The following TBC1D7 variants were observed in gnomAD, a reference collection of about 807,000 sequenced individuals.
TBC1D7 encodes TBC1 domain family member 7.
In TBC1D7, 33 loss-of-function variants were observed where a neutral mutation model predicts 35.3. That is an observed-to-expected ratio of 0.93 (90% CI 0.71 to 1.25). The LOEUF (loss-of-function observed/expected upper bound fraction) is 1.25. Ranked by LOEUF, TBC1D7 falls within the 50% of genes most tolerant of loss-of-function variation. TBC1D7 has a pLI of 0.00. For synonymous variants in TBC1D7, 135 were observed against 129.5 expected, an observed-to-expected ratio of 1.04 and a Z score of -0.29; for missense variants, 362 against 365.3, an observed-to-expected ratio of 0.99 and a Z score of 0.07.
rs1437405163 is a variant in TBC1D7 at position 13,316,768 on chromosome 6, T to A, written c.382-60A>T. 3 of 1,573,596 alleles carry A rather than the reference T, an allele frequency of 1.9e-6. No homozygotes were observed. The East Asian group carries it at 6.7e-5, about 35-fold the overall frequency. On this transcript the variant is annotated intron_variant, in intron 4 of 7. Transcript: ENST00000379300. ...AGTGAAAGAGAGGAATACATATTTC[T>A]TTAATAAAAAATGAAACCTTGCTCC...
chr6:13,328,192 C>T (rs773734346), intron 1 of TBC1D7, 104 bp downstream of exon 1: 2 of 152,218 alleles, frequency 1.3e-5, no homozygotes, highest in Non-Finnish European at 2.9e-5. Flanking sequence ...GGAGGAAATG[C>T]TGCAAATAAT....
At chr6:13,321,267 TCTTAA>T (rs550198286) in intron 3 of TBC1D7, among the ~76,000 whole-genome samples, 172 bp from the exon 4 acceptor site, 82 of 152,106 alleles carry the variant, frequency 5.4e-4, no homozygotes, top group Non-Finnish European at 9.6e-4. Flanking sequence ...TATAAAACAA[TCTTAA>T]ATGTGAAATA....
At chr6:13,324,950 G>A in intron 3 of TBC1D7, 144 bp downstream of exon 3, 1 of 584,072 alleles carries the variant, frequency 1.7e-6, no homozygotes, top group East Asian at 2.9e-5. Flanking sequence ...AGAAAATAAT[G>A]AGTGGTAATT....
At chr6:13,308,190 T>C (rs902471806) in intron 5 of TBC1D7, among the ~76,000 whole-genome samples, 3 of 151,784 alleles carry the variant, frequency 2.0e-5, no homozygotes, top group Admixed American at 6.6e-5. Context: ...ACCAAAGAAA[T>C]AGAGTGGGAT....
intron 3 of TBC1D7, among the ~76,000 whole-genome samples, chr6:13,323,989 T>C (rs1427034414): frequency 2.0e-5 from 3 of 152,228 alleles, no homozygotes; most frequent in Non-Finnish European, 4.4e-5. Flanking sequence ...TTACTCTGTA[T>C]AATCTATGTA....
At chr6:13,314,555 CA>C (rs1783465280) in intron 5 of TBC1D7, among the ~76,000 whole-genome samples, 1 of 152,200 alleles carries the variant, frequency 6.6e-6, no homozygotes, top group Non-Finnish European at 1.5e-5. Flanking sequence ...AGGCAACTGA[CA>C]TATTTACTTA....
At chr6:13,322,085 C>CA (rs1185772493) in intron 3 of TBC1D7, among the ~76,000 whole-genome samples, 18 of 152,064 alleles carry the variant, frequency 1.2e-4, no homozygotes, top group Non-Finnish European at 1.5e-4. Context: ...CCTGTCTCTA[C>CA]AAAAAATTAG....
rs550980671 is a variant in TBC1D7 at position 13,318,407 on chromosome 6, C to T, written c.382-1699G>A. 2.2e-4 allele frequency among the ~76,000 whole-genome samples: 34 copies of T among 152,166 alleles called. No individual in the cohort carries two copies. In the South Asian group the frequency reaches 5.0e-3, roughly 22 times the overall value. ...ACAGACAAGCTGAGTAGCGGTGAGG[C>T]GGAACCTATACCCTGTCATCTCAAT... is the stretch of plus-strand genomic sequence containing the variant. On this transcript the variant is annotated intron_variant, in intron 4 of 7. Coordinates refer to ENST00000379300, the MANE Select transcript of TBC1D7 (RefSeq NM_016495.6).
At chr6:13,308,382 C>A (rs1173494350) in intron 5 of TBC1D7, among the ~76,000 whole-genome samples, 1 of 152,168 alleles carries the variant, frequency 6.6e-6, no homozygotes, top group African/African-American at 2.4e-5. Flanking sequence ...TAAATGTGCA[C>A]AAGAATTTCT....
chr6:13,322,566 G>A (rs955790232), intron 3 of TBC1D7, among the ~76,000 whole-genome samples: 1 of 152,226 alleles, frequency 6.6e-6, no homozygotes, highest in South Asian at 2.1e-4. Flanking sequence ...GTGTTAGCTA[G>A]TACATTTGAC....
intron 5 of TBC1D7, among the ~76,000 whole-genome samples, chr6:13,308,502 G>T (rs1237261430): frequency 2.6e-5 from 4 of 152,166 alleles, no homozygotes; most frequent in Admixed American, 2.0e-4. Context: ...AGCTAATAAA[G>T]CCAGCTCCCC....
At chr6:13,323,235 C>T (rs1370323013) in intron 3 of TBC1D7, among the ~76,000 whole-genome samples, 1 of 152,054 alleles carries the variant, frequency 6.6e-6, no homozygotes, top group African/African-American at 2.4e-5. Context: ...CGCCTGTAGT[C>T]CCAGCTACTC....
In TBC1D7 at chr6:13,306,148, T is replaced by G. The variant is rs149643602; in HGVS notation, c.795+250A>C. ...ACTGTATGATTTCTCTGAAATAATC[T>G]AATGTAACAGGAAAATCTCACTTGC... On this transcript the variant is annotated intron_variant, in intron 7 of 7. Coordinates refer to ENST00000379300, the MANE Select transcript of TBC1D7 (RefSeq NM_016495.6). The G allele has an allele frequency of 2.4e-4, 72 of 300,410 alleles. No homozygotes were observed. The East Asian group carries it at 5.8e-3, about 24-fold the overall frequency. The allele number at this position is 300,410 out of a possible 1,614,324, so 18.6% of individuals were successfully genotyped here. A position where few individuals can be genotyped will look rare whatever the true frequency, so the allele number is the denominator to read the frequency against.
chr6:13,312,260 G>C (rs1461548149), intron 5 of TBC1D7, among the ~76,000 whole-genome samples: 1 of 152,226 alleles, frequency 6.6e-6, no homozygotes, highest in Non-Finnish European at 1.5e-5. Flanking sequence ...AACAGGAGGA[G>C]GAGTGATGTG....
At chr6:13,325,721 T>C (rs1784360944) in intron 2 of TBC1D7, among the ~76,000 whole-genome samples, 1 of 152,240 alleles carries the variant, frequency 6.6e-6, no homozygotes, top group Admixed American at 6.5e-5. Context: ...GCATTTTGCA[T>C]ATATTACTAC....
intron 5 of TBC1D7, among the ~76,000 whole-genome samples, chr6:13,310,600 T>C (rs1398480572): frequency 7.1e-6 from 1 of 140,178 alleles, no homozygotes; most frequent in African/African-American, 2.7e-5. Flanking sequence ...ATTGTACCAC[T>C]GCACTTCAGC....
At chr6:13,307,503 T>C (rs1782891290) in intron 6 of TBC1D7, 97 bp downstream of exon 6, 1 of 1,318,084 alleles carries the variant, frequency 7.6e-7, no homozygotes, top group African/African-American at 1.5e-5. Flanking sequence ...ACTGTATTGT[T>C]CTAAAGCAAA....
intron 1 of TBC1D7, chr6:13,327,587 T>G (rs1179182552): frequency 6.6e-6 from 1 of 152,218 alleles, no homozygotes; most frequent in Non-Finnish European, 1.5e-5. Flanking sequence ...TAAATCGCAT[T>G]AAATTATAAC....
rs149287956 is a variant in TBC1D7, at chr6:13,325,990, A to G, written c.112+797T>C. 2.4e-3 allele frequency among the ~76,000 whole-genome samples: 364 copies of G among 152,372 alleles called. 1 individual carries two copies. The highest frequency in any genetic ancestry group is 8.5e-3 in the African/African-American group (352 of 41,590). Reference sequence around the variant, plus strand: ...CCAGACATACTAAAGCAAAGACCGCACAATTGAAGATCAAAGATAAGGTGA... The same window carrying G: ...CCAGACATACTAAAGCAAAGACCGCGCAATTGAAGATCAAAGATAAGGTGA... On this transcript the variant is annotated intron_variant, in intron 2 of 7. Coordinates refer to ENST00000379300, the MANE Select transcript of TBC1D7 (RefSeq NM_016495.6).
Sources: allele counts gnomAD v4.1 joint callset (sites outside exome capture counted in the v4.1 genomes callset), GRCh38; gene constraint gnomAD v4.1.1; transcripts MANE v1.5; gene names NCBI Gene and HGNC (gene_info 2026-07-23, HGNC 2026-07-21).